The following CAB39L variants were observed in gnomAD, a reference collection of about 807,000 sequenced individuals.
CAB39L encodes calcium-binding protein 39-like.
A neutral mutation model predicts 39.1 loss-of-function variants in CAB39L; 23 were observed. The observed-to-expected ratio is 0.59, with a 90% CI of 0.42 to 0.83. CAB39L has a LOEUF of 0.83. Ranked by LOEUF, CAB39L falls within the 40% of genes least tolerant of loss-of-function variation. The pLI is 0.00. For missense variants in CAB39L, 366 were observed against 391.9 expected (o/e 0.93, Z 0.56); for synonymous variants, 126 against 137.2 (o/e 0.92, Z 0.57).
chr13:49,321,272 T>C (rs1954331076), intron 10 of CAB39L, among the ~76,000 whole-genome samples: 1 of 152,264 alleles, frequency 6.6e-6, no homozygotes, highest in South Asian at 2.1e-4. Flanking sequence ...GCTTGCATTC[T>C]GTACATAGTA....
chr13:49,359,798 A>G lies in CAB39L; in HGVS notation c.311T>C (p.Ile104Thr), dbSNP rs927798749. 3 of 1,612,186 alleles carry G rather than the reference A, an allele frequency of 1.9e-6. No homozygotes were observed. The African/African-American group carries it at 4.0e-5, about 22-fold the overall frequency. Residue 104 changes from isoleucine to threonine, a missense_variant, in exon 6 of 11, where the codon ATC (isoleucine) becomes ACC (threonine). Transcript: ENST00000409308. Reference sequence around the variant, plus strand: ...CCGAGTGCCTATCTGTCTTCTCAAGATGTTGTTAAATATCTGGGTCACATC... The same window carrying G: ...CCGAGTGCCTATCTGTCTTCTCAAGGTGTTGTTAAATATCTGGGTCACATC... ...KKDVTQIFNN[I>T]LRRQIGTRSP...
intron 10 of CAB39L, among the ~76,000 whole-genome samples, chr13:49,331,345 AGT>A (rs1408310895): frequency 6.6e-6 from 1 of 152,154 alleles, no homozygotes; most frequent in Non-Finnish European, 1.5e-5. Flanking sequence ...ACACACCTGC[AGT>A]CCCAGCTACT....
At chr13:49,328,109 T>C (rs1041135059) in intron 10 of CAB39L, among the ~76,000 whole-genome samples, 6 of 152,118 alleles carry the variant, frequency 3.9e-5, no homozygotes, top group Non-Finnish European at 8.8e-5. Context: ...CATCCAAGAG[T>C]GTCTCTAAGA....
intron 10 of CAB39L, among the ~76,000 whole-genome samples, chr13:49,317,282 C>G (rs543875508): frequency 6.6e-6 from 1 of 152,144 alleles, no homozygotes; most frequent in East Asian, 1.9e-4. Context: ...CTAAACCCAG[C>G]ACTTTGGGAG....
chr13:49,327,342 C>T (rs1490997351), intron 10 of CAB39L, among the ~76,000 whole-genome samples: 3 of 152,156 alleles, frequency 2.0e-5, no homozygotes, highest in Non-Finnish European at 2.9e-5. Context: ...CTCGCTCAGT[C>T]ACCCAGGCTG....
intron 3 of CAB39L, among the ~76,000 whole-genome samples, chr13:49,418,198 CATT>C (rs919055713): frequency 2.0e-5 from 3 of 152,088 alleles, no homozygotes; most frequent in African/African-American, 7.2e-5. Flanking sequence ...TAAAATGGAA[CATT>C]ATTTGGCAAA....
At chr13:49,383,161 TA>T (rs1956284429) in intron 3 of CAB39L, among the ~76,000 whole-genome samples, 1 of 152,134 alleles carries the variant, frequency 6.6e-6, no homozygotes, top group African/African-American at 2.4e-5. Context: ...ATACAAAGTT[TA>T]AAATCTTTCC....
intron 3 of CAB39L, among the ~76,000 whole-genome samples, chr13:49,407,220 T>C (rs867271933): frequency 2.6e-5 from 4 of 152,278 alleles, no homozygotes; most frequent in South Asian, 2.1e-4. Flanking sequence ...CTACAGTTAT[T>C]TGAATACAAA....
intron 10 of CAB39L, among the ~76,000 whole-genome samples, chr13:49,329,435 G>A (rs1191077806): frequency 1.3e-5 from 2 of 150,752 alleles, no homozygotes; most frequent in Non-Finnish European, 3.0e-5. Flanking sequence ...AGCTTCCAGA[G>A]AGCCGAACAC....
At chr13:49,400,767 CAG>C (rs1303890239) in intron 3 of CAB39L, among the ~76,000 whole-genome samples, 1 of 151,202 alleles carries the variant, frequency 6.6e-6, no homozygotes, top group East Asian at 1.9e-4. Flanking sequence ...TAACAATAGA[CAG>C]AAAGAGATAA....
At chr13:49,385,991 C>A (rs924978435) in intron 3 of CAB39L, among the ~76,000 whole-genome samples, 2 of 151,954 alleles carry the variant, frequency 1.3e-5, no homozygotes, top group African/African-American at 4.8e-5. Flanking sequence ...TTGCCATAAA[C>A]CTTCAATTTT....
intron 1 of CAB39L, 150 bp from the exon 2 acceptor site, chr13:49,434,373 G>C (rs1957374989): frequency 2.9e-6 from 1 of 349,138 alleles, no homozygotes; most frequent in African/African-American, 2.2e-5. Context: ...TCAATGTACA[G>C]CTGCAAGAAA....
chr13:49,331,073 G>A (rs1954676652), intron 10 of CAB39L, among the ~76,000 whole-genome samples: 2 of 152,122 alleles, frequency 1.3e-5, no homozygotes, highest in Admixed American at 6.6e-5. Context: ...TCTGGAATGT[G>A]TGCACTGAAA....
intron 3 of CAB39L, among the ~76,000 whole-genome samples, chr13:49,425,325 A>G (rs1328794349): frequency 6.6e-6 from 1 of 152,170 alleles, no homozygotes; most frequent in Non-Finnish European, 1.5e-5. Flanking sequence ...CAATAAAACA[A>G]AAATTATAGG....
At chr13:49,360,425 C>T (rs79296004) in intron 5 of CAB39L, among the ~76,000 whole-genome samples, 1,534 of 152,210 alleles carry the variant, frequency 0.01, 40 homozygotes, top group South Asian at 0.086. Context: ...CCTAGAGGAA[C>T]AGAAGAGATC....
intron 7 of CAB39L, among the ~76,000 whole-genome samples, chr13:49,348,265 G>T (rs1040696015): frequency 1.3e-5 from 2 of 152,076 alleles, no homozygotes; most frequent in Admixed American, 1.3e-4. Context: ...TCCTGCTTAC[G>T]ACAACAAAAG....
intron 7 of CAB39L, among the ~76,000 whole-genome samples, chr13:49,346,128 G>GCTA (rs1593956679): frequency 9.5e-5 from 1 of 10,528 alleles, no homozygotes; most frequent in African/African-American, 3.2e-4. Context: ...TATATATCAT[G>GCTA]GATACAGCCA....
intron 3 of CAB39L, among the ~76,000 whole-genome samples, chr13:49,397,136 A>G (rs527710408): frequency 2.6e-5 from 4 of 152,188 alleles, no homozygotes; most frequent in Non-Finnish European, 5.9e-5. Context: ...AGTATCTTCT[A>G]TGCTTCAATT....
Position 49,345,396 on chromosome 13 carries a change from G to T in CAB39L, c.565-1158C>A, listed in dbSNP as rs374937839. On this transcript the variant is annotated intron_variant, in intron 7 of 10. Transcript: ENST00000409308. ...ATTCCCTATTGCTATCACACAACTT[G>T]ATCAACCACTGGGCCTATCAGTGGA... Among the ~76,000 whole-genome samples the T allele has an allele frequency of 1.2e-4, 19 of 152,168 alleles. No individual in the cohort carries two copies. The East Asian group carries it at 1.7e-3, about 14-fold the overall frequency.
Sources: gnomAD v4.1 joint callset for allele counts (sites outside exome capture counted in the v4.1 genomes callset) on GRCh38, gnomAD v4.1.1 for gene constraint, MANE v1.5 for transcripts, NCBI Gene and HGNC (gene_info 2026-07-23, HGNC 2026-07-21) for gene names.